ZC3H12B: variants seen among roughly 807,000 people sequenced by gnomAD.
ZC3H12B encodes zinc finger CCCH-type containing 12B.
ZC3H12B carries 7 observed loss-of-function variants against 43.9 expected under a neutral mutation model. The observed-to-expected ratio is 0.16, with a 90% CI of 0.09 to 0.30. The LOEUF (loss-of-function observed/expected upper bound fraction) is 0.30. Ranked by LOEUF, ZC3H12B falls within the 10% of genes least tolerant of loss-of-function variation. The pLI is 1.00. For synonymous variants in ZC3H12B, 222 were observed against 241.7 expected (o/e 0.92, Z 0.76); for missense variants, 475 against 670.2 (o/e 0.71, Z 3.22).
chrX:65,442,575 T>C (rs1426360084), intron 3 of ZC3H12B, among the ~76,000 whole-genome samples: 1 of 111,577 alleles, frequency 9.0e-6, no homozygotes, highest in African/African-American at 3.3e-5. Flanking sequence ...GCCTGGGCAT[T>C]GTGAGCAGCC....
chrX:65,313,352 C>T, the ZC3H12B span, among the ~76,000 whole-genome samples: 94 of 112,244 alleles, frequency 8.4e-4, no homozygotes, highest in African/African-American at 2.0e-3. Context: ...AGGAAAATGA[C>T]TCTTGCTATT....
the ZC3H12B span, among the ~76,000 whole-genome samples, chrX:65,146,358 G>A: frequency 1.8e-5 from 2 of 111,447 alleles, no homozygotes; most frequent in African/African-American, 6.5e-5. Context: ...CTATTTCCTT[G>A]AATATTTCTC....
At chrX:65,156,609 G>T in the ZC3H12B span, among the ~76,000 whole-genome samples, 593 of 110,892 alleles carry the variant, frequency 5.3e-3, 5 homozygotes, top group African/African-American at 0.019. Context: ...TTGAACTCTC[G>T]ACCCCAGGTA....
intron 3 of ZC3H12B, among the ~76,000 whole-genome samples, chrX:65,457,019 T>C (rs781594115): frequency 1.2e-5 from 1 of 83,469 alleles, no homozygotes; most frequent in African/African-American, 4.8e-5. Context: ...CCCGCTGCCA[T>C]CCCATCTAGG....
the ZC3H12B span, among the ~76,000 whole-genome samples, chrX:65,289,823 G>A: frequency 9.1e-6 from 1 of 110,357 alleles, no homozygotes; most frequent in Admixed American, 9.7e-5. Flanking sequence ...CACACTATGT[G>A]CATAAATCAA....
At chrX:65,122,050 G>T in the ZC3H12B span, among the ~76,000 whole-genome samples, 2 of 110,976 alleles carry the variant, frequency 1.8e-5, no homozygotes, top group South Asian at 7.7e-4. Context: ...ATTTGCTGAG[G>T]AGTGCTTTAC....
intron 3 of ZC3H12B, among the ~76,000 whole-genome samples, chrX:65,458,893 A>ATTT (rs2067681948): frequency 9.9e-5 from 11 of 111,403 alleles, no homozygotes; most frequent in Non-Finnish European, 5.6e-5. Context: ...GACACAAAAA[A>ATTT]CCCTTCAAAA....
the ZC3H12B span, among the ~76,000 whole-genome samples, chrX:65,064,998 A>G: frequency 9.1e-6 from 1 of 110,085 alleles, no homozygotes; most frequent in Non-Finnish European, 1.9e-5. Flanking sequence ...TGCTTGGTAA[A>G]TATTTCTCCA....
chrX:65,335,904 G>T, the ZC3H12B span, among the ~76,000 whole-genome samples: 100 of 112,172 alleles, frequency 8.9e-4, no homozygotes, highest in African/African-American at 3.1e-3. Flanking sequence ...GAAAAAAGAT[G>T]AGAAGGAAAC....
the ZC3H12B span, among the ~76,000 whole-genome samples, chrX:65,117,112 C>G: frequency 8.9e-5 from 10 of 111,873 alleles, no homozygotes; most frequent in Non-Finnish European, 1.7e-4. Flanking sequence ...ATGTCTAGTT[C>G]TAGATCCTTG....
chrX:65,268,838 A>C, the ZC3H12B span, among the ~76,000 whole-genome samples: 1 of 112,211 alleles, frequency 8.9e-6, no homozygotes, highest in Non-Finnish European at 1.9e-5. Context: ...TACAAGGCAA[A>C]AATGCCCACT....
At chrX:65,390,625 T>G (rs1055903015) in intron 2 of ZC3H12B, among the ~76,000 whole-genome samples, 3 of 110,477 alleles carry the variant, frequency 2.7e-5, no homozygotes, top group African/African-American at 9.9e-5. Context: ...GCCGGGAGAC[T>G]TCAACCCCCA....
intron 3 of ZC3H12B, among the ~76,000 whole-genome samples, chrX:65,476,708 G>A (rs957532298): frequency 6.3e-5 from 7 of 111,162 alleles, no homozygotes; most frequent in African/African-American, 2.3e-4. Context: ...GAGGTCCTAG[G>A]TGAAACCTAG....
At chrX:65,357,154 GC>G in the ZC3H12B span, 1 of 457,283 alleles carries the variant, frequency 2.2e-6, no homozygotes, top group South Asian at 2.7e-5. Flanking sequence ...TCCTGAGGAG[GC>G]CATTTCTTCA....
the ZC3H12B span, among the ~76,000 whole-genome samples, chrX:65,216,705 C>T: frequency 9.0e-6 from 1 of 111,653 alleles, no homozygotes; most frequent in Non-Finnish European, 1.9e-5. Flanking sequence ...CTCCTTCAGC[C>T]TGAGGAAAGG....
chrX:65,122,444 A>T, the ZC3H12B span, among the ~76,000 whole-genome samples: 1 of 111,444 alleles, frequency 9.0e-6, no homozygotes, highest in Non-Finnish European at 1.9e-5. Context: ...CAAATTGTAA[A>T]GACCATCGAG....
At chrX:65,122,413 C>G in the ZC3H12B span, among the ~76,000 whole-genome samples, 3 of 111,086 alleles carry the variant, frequency 2.7e-5, no homozygotes, top group African/African-American at 9.8e-5. Context: ...ACAACCAGTA[C>G]CAGCCACTGC....
the ZC3H12B span, among the ~76,000 whole-genome samples, chrX:65,345,279 A>C: frequency 3.6e-5 from 4 of 112,230 alleles, no homozygotes; most frequent in Admixed American, 3.8e-4. Flanking sequence ...CACAATAACA[A>C]AGACGTGGAC....
the ZC3H12B span, among the ~76,000 whole-genome samples, chrX:65,112,687 A>G: frequency 8.9e-6 from 1 of 111,960 alleles, no homozygotes; most frequent in African/African-American, 3.2e-5. Flanking sequence ...GGTGTACTGA[A>G]TATTTTAAGC....
Sources: allele counts gnomAD v4.1 joint callset (sites outside exome capture counted in the v4.1 genomes callset), GRCh38; gene constraint gnomAD v4.1.1; transcripts MANE v1.5; gene names NCBI Gene and HGNC (gene_info 2026-07-23, HGNC 2026-07-21).